Variants in RTN4RL2 observed in about 807,000 individuals in gnomAD.
RTN4RL2 encodes the protein reticulon-4 receptor-like 2.
Under a neutral mutation model 27.8 loss-of-function variants are expected in RTN4RL2, and 9 were observed. That is an observed-to-expected ratio of 0.32 (90% CI 0.20 to 0.57). The LOEUF (loss-of-function observed/expected upper bound fraction) is 0.57. RTN4RL2 is among the 20% of genes least tolerant of loss of function. RTN4RL2 has a pLI of 0.90. For missense variants in RTN4RL2, 436 were observed against 596.8 expected, an observed-to-expected ratio of 0.73 and a Z score of 2.81; for synonymous variants, 285 against 297.9, an observed-to-expected ratio of 0.96 and a Z score of 0.45.
Position 57,476,536 on chromosome 11 carries a change from C to T in RTN4RL2, c.888C>T (p.Gly296=). 7.1e-7 allele frequency: 1 copy of T among 1,417,856 alleles called. No homozygotes were observed. Among genetic ancestry groups the T allele is most frequent in the East Asian group, 3.0e-5 (1 of 33,170 alleles). The allele number at this position is 1,417,856 out of a possible 1,614,324, so 87.8% of individuals were successfully genotyped here. A position where few individuals can be genotyped will look rare whatever the true frequency, so the allele number is the denominator to read the frequency against. ...VTCATPPERQ[G]RDLRALREAD... is the part of the protein sequence containing the mutation. ...GCGCCACCCCCCCGGAGCGCCAGGG[C>T]CGAGACCTGCGCGCGCTCCGCGAGG... is the stretch of plus-strand genomic sequence containing the variant. Residue 296 remains glycine, a synonymous_variant, in exon 3 of 3, where the codon GGC becomes GGT. Coordinates refer to ENST00000335099, the MANE Select transcript of RTN4RL2 (RefSeq NM_178570.3). This position sits in a 1 kb window ranked among gnomAD's most constrained non-coding sequence, Gnocchi z 8.2.
At chr11:57,462,282 A>G (rs1436209288) in intron 1 of RTN4RL2, among the ~76,000 whole-genome samples, 2 of 152,080 alleles carry the variant, frequency 1.3e-5, no homozygotes, top group Non-Finnish European at 2.9e-5. Flanking sequence ...CACCCGCGTC[A>G]GTGCCTCCCC....
At chr11:57,463,772 G>A (rs1314518418) in intron 1 of RTN4RL2, among the ~76,000 whole-genome samples, 1 of 152,108 alleles carries the variant, frequency 6.6e-6, no homozygotes, top group Non-Finnish European at 1.5e-5. Flanking sequence ...GACGTGGCAA[G>A]AAAGAAAAGG....
In RTN4RL2 at chr11:57,468,750, A is replaced by G. The variant is rs1426558616; in HGVS notation, c.513+660A>G. The G allele has an allele frequency of 3.9e-6, 6 of 1,535,776 alleles. No homozygotes were observed. The East Asian group carries it at 9.8e-5, about 25-fold the overall frequency. Reference sequence around the variant, plus strand: ...ACCCCTTCTAGATTCCCATTTTCCAAACCTGTCATCTCAATGCAGGGGAAG... The same window carrying G: ...ACCCCTTCTAGATTCCCATTTTCCAGACCTGTCATCTCAATGCAGGGGAAG... On this transcript the variant is annotated intron_variant, in intron 2 of 2. Coordinates refer to ENST00000335099, the MANE Select transcript of RTN4RL2 (RefSeq NM_178570.3).
Position 57,476,775 on chromosome 11 carries a change from G to A in RTN4RL2, c.1127G>A (p.Gly376Asp), listed in dbSNP as rs1943599499. 4.7e-6 allele frequency: 7 copies of A among 1,489,486 alleles called. No homozygotes were observed. The highest frequency in any genetic ancestry group is 6.2e-6 in the Non-Finnish European group (7 of 1,126,818). The allele number at this position is 1,489,486 out of a possible 1,614,324, so 92.3% of individuals were successfully genotyped here. A position where few individuals can be genotyped will look rare whatever the true frequency, so the allele number is the denominator to read the frequency against. The change falls in exon 3 of 3, where the codon GGT (glycine) becomes GAT (aspartate). Residue 376 changes from glycine to aspartate, a missense_variant. By Grantham distance (94) the Gly-to-Asp change is moderately conservative. Around this residue, in one of 3 missense-constraint regions of RTN4RL2, gnomAD observed 60 missense variants for 43.0 expected, o/e 1.40. Coordinates refer to ENST00000335099, the MANE Select transcript of RTN4RL2 (RefSeq NM_178570.3). This position sits in a 1 kb window ranked among gnomAD's most constrained non-coding sequence, Gnocchi z 8.2. Reference sequence around the variant, plus strand: ...GACGACTACTGGGGGGGCTACGGGGGTGAGGACCAGCGAGGGGAGCAGATG... The same window carrying A: ...GACGACTACTGGGGGGGCTACGGGGATGAGGACCAGCGAGGGGAGCAGATG... ...TEDDYWGGYG[G>D]EDQRGEQMCP...
intron 2 of RTN4RL2, among the ~76,000 whole-genome samples, chr11:57,470,538 T>A (rs1943556331): frequency 6.6e-6 from 1 of 152,138 alleles, no homozygotes; most frequent in Non-Finnish European, 1.5e-5. Flanking sequence ...TGAGCCACCA[T>A]GCCCAGCCAA....
rs533383167 is a variant in RTN4RL2, at chr11:57,466,506, G to A, written c.32-1103G>A. Among the ~76,000 whole-genome samples, 11 of 152,290 alleles carry A rather than the reference G, an allele frequency of 7.2e-5. No individual in the cohort carries two copies. The East Asian group carries it at 1.4e-3, about 19-fold the overall frequency. ...AAGAAAGAAGTTTTTAAGTAACTGC[G>A]AATGAGGAGAGCCTGGGGTGTAAAA... On this transcript the variant is annotated intron_variant, in intron 1 of 2. Transcript: ENST00000335099.
intron 1 of RTN4RL2, among the ~76,000 whole-genome samples, chr11:57,465,154 C>A (rs984331806): frequency 4.6e-5 from 7 of 152,320 alleles, no homozygotes; most frequent in Admixed American, 1.3e-4. Context: ...TGTGCTCCCC[C>A]CTCTGGAGGA....
intron 2 of RTN4RL2, among the ~76,000 whole-genome samples, chr11:57,474,645 CCT>C (rs1339240816): frequency 2.6e-5 from 4 of 152,318 alleles, no homozygotes; most frequent in African/African-American, 9.6e-5. Flanking sequence ...GTCCTGCTTC[CCT>C]CTCTGGCAAG....
At chr11:57,465,466 A>AAC (rs1943515667) in intron 1 of RTN4RL2, among the ~76,000 whole-genome samples, 1 of 152,162 alleles carries the variant, frequency 6.6e-6, no homozygotes, top group African/African-American at 2.4e-5. Flanking sequence ...AGAGTGCAGA[A>AAC]ACAAGTCTTC....
intron 2 of RTN4RL2, among the ~76,000 whole-genome samples, chr11:57,472,748 G>A (rs1442376527): frequency 1.3e-5 from 2 of 152,200 alleles, no homozygotes; most frequent in Non-Finnish European, 2.9e-5. Flanking sequence ...AGTATCCAAT[G>A]AATGGTAGCT....
chr11:57,468,884 T>G, intron 2 of RTN4RL2: 1 of 862,590 alleles, frequency 1.2e-6, no homozygotes, highest in Non-Finnish European at 1.9e-6. Context: ...TAATTATTGT[T>G]TATTGTTGTT....
chr11:57,462,418 T>C (rs1431688281), intron 1 of RTN4RL2, among the ~76,000 whole-genome samples: 1 of 152,084 alleles, frequency 6.6e-6, no homozygotes, highest in Non-Finnish European at 1.5e-5. Flanking sequence ...CCGTTGGGTG[T>C]GGAGCCCTTG....
At chr11:57,468,712 G>T (rs565010339) in intron 2 of RTN4RL2, 5 of 1,535,950 alleles carry the variant, frequency 3.3e-6, no homozygotes, top group Non-Finnish European at 4.4e-6. Context: ...GCAATGGGAC[G>T]GGAGAAGCCC....
At chr11:57,464,128 C>G (rs753149632) in intron 1 of RTN4RL2, among the ~76,000 whole-genome samples, 3 of 152,164 alleles carry the variant, frequency 2.0e-5, no homozygotes, top group Non-Finnish European at 4.4e-5. Context: ...CTATCATGGG[C>G]TGGGGGAGGT....
At chr11:57,462,554 C>T (rs1168710214) in intron 1 of RTN4RL2, among the ~76,000 whole-genome samples, 1 of 152,252 alleles carries the variant, frequency 6.6e-6, no homozygotes, top group Non-Finnish European at 1.5e-5. Context: ...TAGCCTGGAT[C>T]CTGCCCCCTA....
chr11:57,468,834 G>A, intron 2 of RTN4RL2: 1 of 1,076,344 alleles, frequency 9.3e-7, no homozygotes, highest in South Asian at 1.3e-5. Flanking sequence ...AAAATGGAAG[G>A]AATACCAGTA....
chr11:57,464,304 C>T (rs1424118909), intron 1 of RTN4RL2, among the ~76,000 whole-genome samples: 1 of 152,206 alleles, frequency 6.6e-6, no homozygotes, highest in Non-Finnish European at 1.5e-5. Context: ...CCGGAAGGAA[C>T]CCTGATGCCA....
intron 2 of RTN4RL2, among the ~76,000 whole-genome samples, chr11:57,470,861 T>G (rs148341203): frequency 3.2e-4 from 48 of 152,234 alleles, no homozygotes; most frequent in African/African-American, 1.1e-3. Context: ...CTCACTTACT[T>G]TATCTGCAAA....
intron 1 of RTN4RL2, among the ~76,000 whole-genome samples, chr11:57,463,765 G>A (rs568043863): frequency 6.6e-6 from 1 of 152,210 alleles, no homozygotes; most frequent in South Asian, 2.1e-4. Context: ...GGGAAGGGAC[G>A]TGGCAAGAAA....
Sources: gnomAD v4.1 joint callset for allele counts (sites outside exome capture counted in the v4.1 genomes callset) on GRCh38, gnomAD v4.1.1 for gene constraint, gnomAD v4.1.1 regional missense constraint, Gnocchi (gnomAD v3.1) non-coding constraint, MANE v1.5 for transcripts, NCBI Gene and HGNC (gene_info 2026-07-23, HGNC 2026-07-21) for gene names.